Variants in TAF12 observed in about 807,000 individuals in gnomAD.
TAF12 encodes TATA-box binding protein associated factor 12, also known as transcription initiation factor TFIID subunit 12.
TAF12 carries 3 observed loss-of-function variants against 20.8 expected under a neutral mutation model. The observed-to-expected ratio is 0.14, with a 90% CI of 0.07 to 0.37. The LOEUF (loss-of-function observed/expected upper bound fraction) is 0.37. Among genes scored for constraint, TAF12 ranks in the 10% least tolerant of loss-of-function variants. The pLI is 1.00. For synonymous variants in TAF12, 69 were observed against 70.2 expected (o/e 0.98, Z 0.09); for missense variants, 131 against 197.9 (o/e 0.66, Z 2.03).
At chr1:28,646,313 T>G (rs568851727), upstream of TAF12, 1 of 152,138 alleles carries the variant, frequency 6.6e-6, no homozygotes, top group Non-Finnish European at 1.5e-5. Flanking sequence ...CACTGGTGGA[T>G]GATAGGAAGA....
At chr1:28,618,067 T>C (rs769370324) in intron 2 of TAF12, 37 bp from the exon 3 acceptor site, 1 of 1,574,468 alleles carries the variant, frequency 6.4e-7, no homozygotes, top group Non-Finnish European at 8.7e-7. Context: ...CAACCAGATA[T>C]TAAGGAAATG....
At chr1:28,625,859 T>C (rs1667366146) in intron 1 of TAF12, among the ~76,000 whole-genome samples, 1 of 150,240 alleles carries the variant, frequency 6.7e-6, no homozygotes, top group South Asian at 2.1e-4. Flanking sequence ...TTTTTTTTTT[T>C]GGTAGAGATG....
chr1:28,637,536 G>A (rs981395694), intron 1 of TAF12, among the ~76,000 whole-genome samples: 4 of 151,900 alleles, frequency 2.6e-5, no homozygotes, highest in Admixed American at 1.3e-4. Flanking sequence ...ATTGTGGCGC[G>A]CGCTTATAGT....
rs1417256520 is a variant in TAF12, at chr1:28,603,516, C to A, written c.*23G>T. 6.2e-7 allele frequency: 1 copy of A among 1,613,430 alleles called. No homozygotes were observed. Among genetic ancestry groups the A allele is most frequent in the Admixed American group, 1.7e-5 (1 of 59,996 alleles). On this transcript the variant is annotated 3_prime_UTR_variant, in exon 6 of 6. Transcript: ENST00000373824. The stretch of plus-strand genomic sequence containing the variant: ...CAAGTATCTCCAAATACATTGCTGT[C>A]CATTCCCTGACCTTTCCGTGTGTTA...
rs537325444 is a variant in TAF12 at position 28,643,060 on chromosome 1, G to C, written c.-153C>G. 2.9e-4 allele frequency: 282 copies of C among 985,880 alleles called. No homozygotes were observed. Among genetic ancestry groups the C allele is most frequent in the Non-Finnish European group, 3.0e-4 (253 of 829,964 alleles). The allele number at this position is 985,880 out of a possible 1,614,324, so 61.1% of individuals were successfully genotyped here. On this transcript the variant is annotated 5_prime_UTR_variant, in exon 1 of 6. Coordinates refer to ENST00000373824, the MANE Select transcript of TAF12 (RefSeq NM_005644.4). ...AGTGAAGCGTTCGTCTCAGCAGCCG[G>C]TCCGACTGCGCGGCCCTCCCCGACT...
At chr1:28,623,421 T>C (rs1438763680) in intron 1 of TAF12, among the ~76,000 whole-genome samples, 1 of 152,022 alleles carries the variant, frequency 6.6e-6, no homozygotes, top group Non-Finnish European at 1.5e-5. Context: ...CTTGGGAGGC[T>C]AAGGCAGAAG....
intron 1 of TAF12, among the ~76,000 whole-genome samples, chr1:28,640,593 G>A (rs867368811): frequency 4.6e-5 from 7 of 152,146 alleles, no homozygotes; most frequent in Non-Finnish European, 1.5e-5. Context: ...TAGTGCATAA[G>A]CTGTGCCTCG....
intron 3 of TAF12, among the ~76,000 whole-genome samples, chr1:28,616,784 G>A (rs933231456): frequency 2.0e-5 from 3 of 151,962 alleles, no homozygotes; most frequent in Non-Finnish European, 4.4e-5. Flanking sequence ...ACATTGAGTA[G>A]TGTAAAAAAT....
At chr1:28,626,241 G>A (rs910574483) in intron 1 of TAF12, among the ~76,000 whole-genome samples, 7 of 151,424 alleles carry the variant, frequency 4.6e-5, no homozygotes, top group South Asian at 2.1e-4. Context: ...GCCTCCCATA[G>A]TGCTGGGATT....
At chr1:28,605,230 C>CCT (rs1194478768) in intron 5 of TAF12, 142 bp downstream of exon 5, 1 of 752,246 alleles carries the variant, frequency 1.3e-6, no homozygotes, top group East Asian at 2.5e-5. Flanking sequence ...TGCCTCTTGC[C>CCT]CTCTCTGACC....
At position 28,605,561 on chromosome 1, in the gene TAF12, G is replaced by A. The variant is rs903456531; in HGVS notation, c.362-101C>T. On this transcript the variant is annotated intron_variant, in intron 4 of 5. Coordinates refer to ENST00000373824, the MANE Select transcript of TAF12 (RefSeq NM_005644.4). ...TCAGGGAGGATGAATGTGGGCATCT[G>A]GCTACTAACTCCACAAAGGGATTCT... is the stretch of plus-strand genomic sequence containing the variant. 8.7e-6 allele frequency: 9 copies of A among 1,031,156 alleles called. No homozygotes were observed. The African/African-American group carries it at 1.4e-4, about 16-fold the overall frequency. The allele number at this position is 1,031,156 out of a possible 1,614,324, so 63.9% of individuals were successfully genotyped here.
intron 1 of TAF12, chr1:28,642,592 C>T (rs1668074805): frequency 5.2e-6 from 5 of 969,634 alleles, no homozygotes; most frequent in Non-Finnish European, 6.1e-6. Context: ...CCTTAGGAGC[C>T]CGGGTCTTCA....
Position 28,633,685 on chromosome 1 carries a change from G to A in TAF12, c.-85+9307C>T, listed in dbSNP as rs548107215. ...CCAGCACTTTGGGAGGCCGAGGTGG[G>A]CAGATCATCTAAGGCTGGGAGTTCT... is the stretch of plus-strand genomic sequence containing the variant. On this transcript the variant is annotated intron_variant, in intron 1 of 5. Coordinates refer to ENST00000373824, the MANE Select transcript of TAF12 (RefSeq NM_005644.4). Among the ~76,000 whole-genome samples, 5 of 151,842 alleles carry A rather than the reference G, an allele frequency of 3.3e-5. No homozygotes were observed. In the East Asian group the frequency reaches 9.8e-4, roughly 30 times the overall value.
chr1:28,632,844 ATTT>A (rs888458832), intron 1 of TAF12, among the ~76,000 whole-genome samples: 15 of 151,954 alleles, frequency 9.9e-5, no homozygotes, highest in African/African-American at 3.6e-4. Context: ...CCCCATAATA[ATTT>A]TATTGTATAT....
At chr1:28,617,838 C>T (rs566523892) in intron 3 of TAF12, 115 bp downstream of exon 3, 2 of 996,888 alleles carry the variant, frequency 2.0e-6, no homozygotes, top group South Asian at 2.7e-5. Flanking sequence ...AGCAATCCTC[C>T]TGCTTTGGTC....
chr1:28,648,048 C>T (rs1668243844), upstream of TAF12: 3 of 510,082 alleles, frequency 5.9e-6, no homozygotes, highest in Non-Finnish European at 7.6e-6. Flanking sequence ...ACAATATGAA[C>T]ACACCATGAC....
chr1:28,603,723 C>T, intron 5 of TAF12, 149 bp from the exon 6 acceptor site: 1 of 739,682 alleles, frequency 1.4e-6, no homozygotes, highest in South Asian at 1.7e-5. Flanking sequence ...CAGTAGATTC[C>T]TTTTAACCAG....
Position 28,639,911 on chromosome 1 carries a change from G to A in TAF12, c.-85+3081C>T, listed in dbSNP as rs895451974. Among the ~76,000 whole-genome samples the A allele has an allele frequency of 1.1e-4, 17 of 151,316 alleles. No individual in the cohort carries two copies. In the East Asian group the frequency reaches 1.2e-3, roughly 10 times the overall value. ...GGCTGGAGTACAGTGACACAATCTCGGCTCATTGAACCTCCACCTCCAGGA... is the reference window on the plus strand; with the variant it reads ...GGCTGGAGTACAGTGACACAATCTCAGCTCATTGAACCTCCACCTCCAGGA... On this transcript the variant is annotated intron_variant, in intron 1 of 5. Coordinates refer to ENST00000373824, the MANE Select transcript of TAF12 (RefSeq NM_005644.4).
At chr1:28,619,911 T>G (rs1007652967) in intron 2 of TAF12, among the ~76,000 whole-genome samples, 1 of 149,928 alleles carries the variant, frequency 6.7e-6, no homozygotes, top group Non-Finnish European at 1.5e-5. Context: ...ATTATGCCAT[T>G]GCACTCCATC....
Sources: allele counts gnomAD v4.1 joint callset (sites outside exome capture counted in the v4.1 genomes callset), GRCh38; gene constraint gnomAD v4.1.1; transcripts MANE v1.5; gene names NCBI Gene and HGNC (gene_info 2026-07-23, HGNC 2026-07-21).